CCDC148: variants seen among roughly 807,000 people sequenced by gnomAD.
The protein encoded by CCDC148 is coiled-coil domain containing 148, also known as coiled-coil domain-containing protein 148.
Under a neutral mutation model 85.7 loss-of-function variants are expected in CCDC148, and 89 were observed. The observed-to-expected ratio is 1.04, with a 90% confidence interval of 0.87 to 1.24. The LOEUF is 1.24. Ranked by LOEUF, CCDC148 falls within the 50% of genes most tolerant of loss-of-function variation. The pLI is 0.00. For synonymous variants in CCDC148, 230 were observed against 213.9 expected (o/e 1.08, Z -0.66); for missense variants, 692 against 671.7 (o/e 1.03, Z -0.33).
At chr2:158,421,011 A>C (rs1390102301) in intron 1 of CCDC148, among the ~76,000 whole-genome samples, 1 of 152,218 alleles carries the variant, frequency 6.6e-6, no homozygotes, top group Non-Finnish European at 1.5e-5. Context: ...ATAATGGTAA[A>C]GGGATCAATT....
intron 7 of CCDC148, among the ~76,000 whole-genome samples, chr2:158,315,632 T>C (rs1692243052): frequency 6.6e-6 from 1 of 152,168 alleles, no homozygotes; most frequent in Non-Finnish European, 1.5e-5. Flanking sequence ...TAATGGATAC[T>C]GTTGGTACCA....
chr2:158,175,352 C>T (rs1205166080), intron 13 of CCDC148, among the ~76,000 whole-genome samples: 3 of 143,128 alleles, frequency 2.1e-5, no homozygotes, highest in Non-Finnish European at 4.6e-5. Context: ...TTGTTATTAT[C>T]GTAAATCATC....
intron 11 of CCDC148, among the ~76,000 whole-genome samples, chr2:158,212,499 T>C (rs115079548): frequency 0.015 from 2,302 of 152,270 alleles, 27 homozygotes; most frequent in African/African-American, 0.029. Flanking sequence ...GTCAATTCTC[T>C]GATGTTGGCA....
chr2:158,384,455 T>C (rs1323233219), intron 1 of CCDC148, among the ~76,000 whole-genome samples: 2 of 152,120 alleles, frequency 1.3e-5, no homozygotes, highest in Non-Finnish European at 2.9e-5. Flanking sequence ...TCTGTGATAG[T>C]GGGTGAGTTC....
intron 1 of CCDC148, among the ~76,000 whole-genome samples, chr2:158,383,734 G>A (rs1684972444): frequency 6.6e-6 from 1 of 152,114 alleles, no homozygotes; most frequent in Non-Finnish European, 1.5e-5. Context: ...ACTTGAGGGT[G>A]TCTTTCCTAC....
chr2:158,179,023 G>A, intron 11 of CCDC148, 27 bp from the exon 12 acceptor site: 1 of 1,529,076 alleles, frequency 6.5e-7, no homozygotes, highest in Non-Finnish European at 9.0e-7. Context: ...GAAGGAAGTT[G>A]TGGAAGCATC....
At chr2:158,227,573 T>C (rs1574446151) in intron 10 of CCDC148, among the ~76,000 whole-genome samples, 2 of 152,248 alleles carry the variant, frequency 1.3e-5, no homozygotes, top group East Asian at 3.9e-4. Context: ...AAGGCTACAG[T>C]AACCAAAACA....
chr2:158,352,453 A>AAGCC (rs1382452684), intron 2 of CCDC148, among the ~76,000 whole-genome samples: 1 of 152,210 alleles, frequency 6.6e-6, no homozygotes, highest in Non-Finnish European at 1.5e-5. Context: ...AGCCAATGCG[A>AAGCC]TCAGCTGGAA....
intron 1 of CCDC148, among the ~76,000 whole-genome samples, chr2:158,424,298 A>C (rs571700987): frequency 6.4e-4 from 98 of 152,226 alleles, no homozygotes; most frequent in East Asian, 3.9e-3. Flanking sequence ...TTCACAATAG[A>C]AAAGACTTGG....
intron 9 of CCDC148, among the ~76,000 whole-genome samples, chr2:158,278,392 C>T (rs1280077370): frequency 2.6e-5 from 4 of 152,134 alleles, no homozygotes; most frequent in African/African-American, 7.2e-5. Flanking sequence ...GGGTGACAGA[C>T]GGCACCTGGA....
chr2:158,282,816 G>A lies in CCDC148; in HGVS notation c.1110+26617C>T, dbSNP rs557173227. On this transcript the variant is annotated intron_variant, in intron 9 of 13. Coordinates refer to ENST00000283233, the MANE Select transcript of CCDC148 (RefSeq NM_138803.4). Reference sequence around the variant, plus strand: ...ATGGAACCAAAAAAGAGCCCACATCGCCAAGTCAATCCTAAGCCAAAAGAA... The same window carrying A: ...ATGGAACCAAAAAAGAGCCCACATCACCAAGTCAATCCTAAGCCAAAAGAA... Among the ~76,000 whole-genome samples, 296 of 152,174 alleles carry A rather than the reference G, an allele frequency of 1.9e-3. 1 individual carries two copies. The highest frequency in any genetic ancestry group is 6.7e-3 in the African/African-American group (277 of 41,538).
intron 8 of CCDC148, among the ~76,000 whole-genome samples, chr2:158,310,467 C>A (rs556676931): frequency 4.6e-4 from 70 of 152,250 alleles, no homozygotes; most frequent in African/African-American, 1.7e-3. Context: ...GGCGGCCGGG[C>A]AGAGGGGCTC....
chr2:158,456,089 G>T (rs953326879), intron 1 of CCDC148, among the ~76,000 whole-genome samples: 4 of 152,194 alleles, frequency 2.6e-5, no homozygotes, highest in Non-Finnish European at 4.4e-5. Context: ...TCATAGTGCG[G>T]GATGTACACA....
intron 11 of CCDC148, among the ~76,000 whole-genome samples, chr2:158,210,684 C>T (rs928469783): frequency 6.6e-6 from 1 of 150,522 alleles, no homozygotes; most frequent in African/African-American, 2.5e-5. Context: ...TGGCTCACAC[C>T]TGTAATCCCA....
chr2:158,313,760 T>A lies in CCDC148; in HGVS notation c.899A>T (p.Asp300Val). 1 of 1,613,546 alleles carries A rather than the reference T, an allele frequency of 6.2e-7. No homozygotes were observed. Among genetic ancestry groups the A allele is most frequent in the Non-Finnish European group, 8.5e-7 (1 of 1,179,784 alleles). Reference protein sequence around the residue: ...QRYFPHKSRHDLVEHEKYCDQ... With the variant: ...QRYFPHKSRHVLVEHEKYCDQ... ...GTAGGTAGGTCCAGTACTCACCAAA[T>A]CATGCCTAGATTTGTGAGGAAAATA... The change falls in exon 8 of 14, where the codon GAT (aspartate) becomes GTT (valine). Residue 300 changes from aspartate (D) to valine (V), a missense_variant. Transcript: ENST00000283233.
At chr2:158,450,073 G>A (rs919677816) in intron 1 of CCDC148, among the ~76,000 whole-genome samples, 1 of 149,806 alleles carries the variant, frequency 6.7e-6, no homozygotes, top group African/African-American at 2.5e-5. Flanking sequence ...AGGTACTGTT[G>A]TCTTGCTGTC....
At chr2:158,366,750 C>T (rs10804392) in intron 1 of CCDC148, among the ~76,000 whole-genome samples, 141,245 of 152,278 alleles carry the variant, frequency 0.93, 65,548 homozygotes, top group East Asian at 0.98. Context: ...GTTGTCTTCA[C>T]CTGCCCAATC....
At chr2:158,429,957 G>C (rs1242253548) in intron 1 of CCDC148, among the ~76,000 whole-genome samples, 1 of 152,166 alleles carries the variant, frequency 6.6e-6, no homozygotes, top group African/African-American at 2.4e-5. Flanking sequence ...GGAAGTGAAG[G>C]CATCTGGAAG....
intron 10 of CCDC148, chr2:158,235,812 G>C (rs186700300): frequency 6.6e-6 from 1 of 152,316 alleles, no homozygotes; most frequent in Non-Finnish European, 1.5e-5. Context: ...TGGGAATGCA[G>C]GGCAACCGCA....
Sources: gnomAD v4.1 joint callset for allele counts (sites outside exome capture counted in the v4.1 genomes callset) on GRCh38, gnomAD v4.1.1 for gene constraint, MANE v1.5 for transcripts, NCBI Gene and HGNC (gene_info 2026-07-23, HGNC 2026-07-21) for gene names.